The following ATRNL1 variants were observed in gnomAD, a reference collection of about 807,000 sequenced individuals.
ATRNL1 encodes attractin like 1, also known as attractin-like protein 1.
ATRNL1 carries 95 observed loss-of-function variants against 182.7 expected under a neutral mutation model. The ratio of observed to expected loss-of-function variants is 0.52; its 90% CI spans 0.44 to 0.62. The LOEUF (loss-of-function observed/expected upper bound fraction) is 0.62, where lower values mean the gene tolerates loss of function less well. Among genes scored for constraint, ATRNL1 ranks in the 20% least tolerant of loss-of-function variants. The pLI is 0.00. For missense variants in ATRNL1, 1,471 were observed against 1,679.5 expected, an observed-to-expected ratio of 0.88 and a Z score of 2.17; for synonymous variants, 576 against 568.3, an observed-to-expected ratio of 1.01 and a Z score of -0.19.
intron 21 of ATRNL1, among the ~76,000 whole-genome samples, chr10:115,447,302 A>G (rs1208334625): frequency 6.6e-6 from 1 of 151,870 alleles, no homozygotes; most frequent in East Asian, 1.9e-4. Context: ...AAAAGAAAGT[A>G]AACATCACAG....
At chr10:115,199,217 C>G (rs1848466542) in intron 8 of ATRNL1, among the ~76,000 whole-genome samples, 1 of 151,432 alleles carries the variant, frequency 6.6e-6, no homozygotes, top group Non-Finnish European at 1.5e-5. Flanking sequence ...GATCTTTCAC[C>G]TCATTGGTTA....
At chr10:115,388,620 T>C (rs1554953292) in intron 19 of ATRNL1, among the ~76,000 whole-genome samples, 1 of 152,036 alleles carries the variant, frequency 6.6e-6, no homozygotes, top group Non-Finnish European at 1.5e-5. Context: ...TTGTTATTAT[T>C]GATAGGTTAT....
intron 24 of ATRNL1, among the ~76,000 whole-genome samples, chr10:115,489,701 A>G (rs1172991910): frequency 2.6e-5 from 4 of 152,168 alleles, no homozygotes; most frequent in African/African-American, 9.6e-5. Flanking sequence ...GTGTCTTTTA[A>G]TTGGGGCATT....
chr10:115,223,023 T>C (rs1294307610), intron 9 of ATRNL1, among the ~76,000 whole-genome samples: 1 of 152,196 alleles, frequency 6.6e-6, no homozygotes, highest in Non-Finnish European at 1.5e-5. Flanking sequence ...CTTATGCCTG[T>C]AATCCTAGCA....
intron 18 of ATRNL1, among the ~76,000 whole-genome samples, 195 bp downstream of exon 18, chr10:115,315,931 A>C (rs1554929539): frequency 1.3e-5 from 2 of 152,218 alleles, no homozygotes; most frequent in African/African-American, 4.8e-5. Flanking sequence ...GTTTAGAATC[A>C]TTAGATAGGC....
At chr10:115,233,759 C>G (rs1275545844) in intron 9 of ATRNL1, among the ~76,000 whole-genome samples, 1 of 149,548 alleles carries the variant, frequency 6.7e-6, no homozygotes, top group East Asian at 1.9e-4. Flanking sequence ...TTAGGAATGA[C>G]TTACTTGATT....
chr10:115,649,671 G>T (rs1593007615), intron 26 of ATRNL1, among the ~76,000 whole-genome samples: 1 of 152,160 alleles, frequency 6.6e-6, no homozygotes, highest in East Asian at 1.9e-4. Flanking sequence ...AAATATCTGT[G>T]CAAAATTCAT....
chr10:115,416,295 G>T (rs892249355), intron 20 of ATRNL1, among the ~76,000 whole-genome samples: 3 of 151,860 alleles, frequency 2.0e-5, no homozygotes, highest in South Asian at 2.1e-4. Flanking sequence ...GCTTTTTGGA[G>T]GTACCTGTGT....
chr10:115,107,015 C>T (rs1844041317), intron 1 of ATRNL1, among the ~76,000 whole-genome samples: 1 of 152,166 alleles, frequency 6.6e-6, no homozygotes, highest in South Asian at 2.1e-4. Flanking sequence ...ATTCAAATCT[C>T]ATCCTTTTAT....
intron 27 of ATRNL1, among the ~76,000 whole-genome samples, chr10:115,739,885 T>G (rs1565336882): frequency 1.3e-5 from 2 of 152,226 alleles, no homozygotes; most frequent in African/African-American, 4.8e-5. Flanking sequence ...TTTGCTTATG[T>G]TTCATATAAA....
At chr10:115,460,085 A>G (rs1184281845) in intron 21 of ATRNL1, among the ~76,000 whole-genome samples, 4 of 152,090 alleles carry the variant, frequency 2.6e-5, no homozygotes, top group African/African-American at 7.2e-5. Flanking sequence ...CTGAGTAGCC[A>G]TTTCTCAGTC....
chr10:115,534,366 C>G (rs1398832321), intron 25 of ATRNL1, among the ~76,000 whole-genome samples: 7 of 152,306 alleles, frequency 4.6e-5, no homozygotes, highest in African/African-American at 1.7e-4. Flanking sequence ...TAATGGCCTT[C>G]TTTGTCTCTT....
At chr10:115,640,328 C>T (rs1228008190) in intron 26 of ATRNL1, among the ~76,000 whole-genome samples, 15 of 152,132 alleles carry the variant, frequency 9.9e-5, no homozygotes, top group Admixed American at 9.8e-4. Context: ...ATTTCTGGTT[C>T]TAGATCATTG....
At chr10:115,913,912 T>A (rs1362667902) in intron 28 of ATRNL1, among the ~76,000 whole-genome samples, 1 of 152,126 alleles carries the variant, frequency 6.6e-6, no homozygotes, top group African/African-American at 2.4e-5. Flanking sequence ...CATGAAGATA[T>A]TGGGAGGGGT....
chr10:115,685,781 T>G (rs1946198121), intron 26 of ATRNL1, among the ~76,000 whole-genome samples: 1 of 151,838 alleles, frequency 6.6e-6, no homozygotes, highest in Admixed American at 6.6e-5. Flanking sequence ...ACTAGGCTTT[T>G]GATGCTTTTG....
chr10:115,693,860 A>G (rs1555048938), intron 26 of ATRNL1, among the ~76,000 whole-genome samples: 1 of 152,142 alleles, frequency 6.6e-6, no homozygotes, highest in African/African-American at 2.4e-5. Flanking sequence ...GCCCTGCAAT[A>G]TATACAGTCC....
At chr10:115,757,790 G>C in intron 27 of ATRNL1, among the ~76,000 whole-genome samples, 1 of 152,098 alleles carries the variant, frequency 6.6e-6, no homozygotes, top group East Asian at 1.9e-4. Flanking sequence ...TCACTGTCAG[G>C]TACAACAGTC....
chr10:115,111,204 A>G (rs78168587), intron 1 of ATRNL1, among the ~76,000 whole-genome samples: 3,800 of 152,316 alleles, frequency 0.025, 159 homozygotes, highest in African/African-American at 0.086. Flanking sequence ...GTATTCCCTG[A>G]TTAAAAAATG....
intron 18 of ATRNL1, among the ~76,000 whole-genome samples, chr10:115,329,719 G>A (rs1855109744): frequency 6.6e-6 from 1 of 151,882 alleles, no homozygotes; most frequent in Non-Finnish European, 1.5e-5. Flanking sequence ...TTTTCCATTT[G>A]CGTGCAATAT....
Sources: allele counts gnomAD v4.1 joint callset (sites outside exome capture counted in the v4.1 genomes callset), GRCh38; gene constraint gnomAD v4.1.1; transcripts MANE v1.5; gene names NCBI Gene and HGNC (gene_info 2026-07-23, HGNC 2026-07-21).